Variants in PPME1 observed in about 807,000 individuals in gnomAD.
PPME1 encodes protein phosphatase methylesterase 1, also known as testicular secretory protein Li 39.
Under a neutral mutation model 56.9 loss-of-function variants are expected in PPME1, and 17 were observed. The ratio of observed to expected loss-of-function variants is 0.30; its 90% CI spans 0.20 to 0.45. PPME1 has a LOEUF of 0.45. Among genes scored for constraint, PPME1 ranks in the 20% least tolerant of loss-of-function variants. PPME1 has a pLI of 1.00. For synonymous variants in PPME1, 122 were observed against 156.2 expected (o/e 0.78, Z 1.63); for missense variants, 357 against 483.2 (o/e 0.74, Z 2.45).
intron 1 of PPME1, among the ~76,000 whole-genome samples, chr11:74,196,703 AGAG>A (rs1857991208): frequency 6.6e-6 from 1 of 152,208 alleles, no homozygotes; most frequent in African/African-American, 2.4e-5. Flanking sequence ...CCCGAAAGTA[AGAG>A]GAGGAACATA....
At chr11:74,219,546 G>A (rs1237874852) in intron 3 of PPME1, among the ~76,000 whole-genome samples, 2 of 152,098 alleles carry the variant, frequency 1.3e-5, no homozygotes, top group African/African-American at 2.4e-5. Flanking sequence ...ATACACAAAG[G>A]AGTACTATTT....
intron 3 of PPME1, among the ~76,000 whole-genome samples, 164 bp from the exon 4 acceptor site, chr11:74,222,148 G>A (rs992340915): frequency 6.6e-6 from 1 of 152,158 alleles, no homozygotes; most frequent in Non-Finnish European, 1.5e-5. Flanking sequence ...GGCAAAACTA[G>A]TAGAAAATCA....
intron 1 of PPME1, among the ~76,000 whole-genome samples, chr11:74,184,884 A>G (rs911042314): frequency 2.0e-5 from 3 of 152,118 alleles, no homozygotes; most frequent in Non-Finnish European, 2.9e-5. Context: ...TGTCTCTTCA[A>G]TTGAATTGAG....
chr11:74,227,253 A>G (rs1858953848), intron 5 of PPME1, among the ~76,000 whole-genome samples: 1 of 152,310 alleles, frequency 6.6e-6, no homozygotes, highest in Non-Finnish European at 1.5e-5. Context: ...GGCAAGGGTA[A>G]AATATTTACA....
At position 74,216,258 on chromosome 11, in the gene PPME1, G is replaced by T. The variant is rs559012440; in HGVS notation, c.289-6054G>T. 5.3e-5 allele frequency among the ~76,000 whole-genome samples: 8 copies of T among 152,048 alleles called. No homozygotes were observed. The East Asian group carries it at 1.2e-3, about 22-fold the overall frequency. On this transcript the variant is annotated intron_variant, in intron 3 of 13. Transcript: ENST00000328257. ...CATGTTAGGTCACAAAACAAGTCTT[G>T]GATAACATTCAAAAAACTGAAATTA...
intron 5 of PPME1, among the ~76,000 whole-genome samples, chr11:74,226,382 G>A (rs1161941502): frequency 6.6e-6 from 1 of 151,688 alleles, no homozygotes; most frequent in Non-Finnish European, 1.5e-5. Flanking sequence ...GTCCTTGGCA[G>A]AGAGAGAGAG....
intron 1 of PPME1, among the ~76,000 whole-genome samples, chr11:74,192,261 A>G (rs1032711115): frequency 1.3e-5 from 2 of 152,096 alleles, no homozygotes; most frequent in South Asian, 2.1e-4. Context: ...GGCTTGTAGC[A>G]CCTTTCTTTT....
chr11:74,246,040 C>G (rs2135677919), intron 9 of PPME1, 36 bp from the exon 10 acceptor site: 1 of 1,562,892 alleles, frequency 6.4e-7, no homozygotes, highest in East Asian at 2.4e-5. Context: ...CCAGGGGTTG[C>G]CCTCGGAGAC....
rs764922846 is a variant in PPME1 at position 74,230,216 on chromosome 11, T to G, written c.399-29T>G. The G allele has an allele frequency of 8.2e-6, 13 of 1,583,812 alleles. No homozygotes were observed. Among genetic ancestry groups the G allele is most frequent in the Non-Finnish European group, 1.0e-5 (12 of 1,167,272 alleles). On this transcript the variant is annotated intron_variant, in intron 5 of 13. Coordinates refer to ENST00000328257, the MANE Select transcript of PPME1 (RefSeq NM_016147.3). The surrounding 1 kb of genome is among the most constrained non-coding windows in gnomAD (Gnocchi z 4.9). ...TTTTTACAGTGTTGTCAGAAAGCAT[T>G]CTTAGATCTTTTTCTCTTCTCTTTG... is the stretch of plus-strand genomic sequence containing the variant.
intron 1 of PPME1, among the ~76,000 whole-genome samples, chr11:74,182,299 A>G (rs1168779624): frequency 2.0e-5 from 3 of 152,296 alleles, no homozygotes; most frequent in African/African-American, 4.8e-5. Context: ...AAACTGTCTA[A>G]TGGAAACTTA....
At chr11:74,179,791 G>T (rs1343762341) in intron 1 of PPME1, among the ~76,000 whole-genome samples, 5 of 152,144 alleles carry the variant, frequency 3.3e-5, no homozygotes, top group African/African-American at 4.8e-5. Flanking sequence ...ACAACCCTCA[G>T]CCAGCCATCT....
At chr11:74,184,048 T>C (rs1857608238) in intron 1 of PPME1, among the ~76,000 whole-genome samples, 1 of 152,208 alleles carries the variant, frequency 6.6e-6, no homozygotes, top group Admixed American at 6.5e-5. Flanking sequence ...TCGTGCCCTA[T>C]TTATATTCTT....
chr11:74,189,214 A>T (rs950016613), intron 1 of PPME1, among the ~76,000 whole-genome samples: 1 of 152,132 alleles, frequency 6.6e-6, no homozygotes, highest in Admixed American at 6.5e-5. Context: ...ATGTGGTGAG[A>T]CCCTGTCTCT....
intron 9 of PPME1, among the ~76,000 whole-genome samples, chr11:74,239,820 TCCACC>T (rs750653364): frequency 2.0e-5 from 3 of 152,004 alleles, no homozygotes; most frequent in Non-Finnish European, 2.9e-5. Context: ...GACCTCGTGA[TCCACC>T]CGCCTTGGCC....
chr11:74,228,365 T>C lies in PPME1; in HGVS notation c.399-1880T>C, dbSNP rs1232751844. 2.0e-5 allele frequency among the ~76,000 whole-genome samples: 3 copies of C among 152,302 alleles called. No individual in the cohort carries two copies. In the South Asian group the frequency reaches 6.2e-4, roughly 32 times the overall value. ...AATCTTTGTTCCTGATATTTTCCAG[T>C]GGCCTCTGAGCAAAGGCATCATGGT... On this transcript the variant is annotated intron_variant, in intron 5 of 13. Coordinates refer to ENST00000328257, the MANE Select transcript of PPME1 (RefSeq NM_016147.3).
chr11:74,253,455 T>TA (rs3832772), intron 13 of PPME1, 37 bp from the exon 14 acceptor site: 7 of 1,588,210 alleles, frequency 4.4e-6, no homozygotes, highest in East Asian at 4.5e-5. Context: ...TATTGATAGT[T>TA]ACATTTGTTT....
At chr11:74,251,542 G>T in intron 12 of PPME1, 106 bp from the exon 13 acceptor site, 2 of 1,520,536 alleles carry the variant, frequency 1.3e-6, no homozygotes, top group South Asian at 2.7e-5. Context: ...ACCTGTGGGT[G>T]GGATGAGGGC....
At chr11:74,238,051 T>C (rs1282204210) in intron 8 of PPME1, 1 of 152,246 alleles carries the variant, frequency 6.6e-6, no homozygotes, top group African/African-American at 2.4e-5. Context: ...TGTGCATGTG[T>C]ATTAACTGTC....
intron 3 of PPME1, among the ~76,000 whole-genome samples, chr11:74,206,761 C>T (rs571931990): frequency 6.6e-6 from 1 of 152,164 alleles, no homozygotes; most frequent in Non-Finnish European, 1.5e-5. Flanking sequence ...GAGACAGGGT[C>T]TCACTGTGTT....
Sources: allele counts gnomAD v4.1 joint callset (sites outside exome capture counted in the v4.1 genomes callset), GRCh38; gene constraint gnomAD v4.1.1; non-coding constraint Gnocchi (gnomAD v3.1); transcripts MANE v1.5; gene names NCBI Gene and HGNC (gene_info 2026-07-23, HGNC 2026-07-21).